Variants in SAMMSON observed in about 807,000 individuals in gnomAD.
The protein encoded by SAMMSON is survival associated mitochondrial melanoma specific oncogenic non-coding RNA, also known as long intergenic non-protein coding RNA 1212.
chr3:70,236,739 GTGCA>G (rs935925485), intron 4 of SAMMSON, among the ~76,000 whole-genome samples: 2 of 152,052 alleles, frequency 1.3e-5, no homozygotes, highest in Non-Finnish European at 2.9e-5. Context: ...GGGACCACTG[GTGCA>G]TGCCACCATG....
chr3:70,432,823 C>A (rs993665445), intron 2 of SAMMSON, among the ~76,000 whole-genome samples: 1 of 152,064 alleles, frequency 6.6e-6, no homozygotes, highest in Admixed American at 6.6e-5. Context: ...ATCCCTCCCT[C>A]TTTCACCCAG....
chr3:70,279,295 A>G (rs1333796795), intron 6 of SAMMSON, among the ~76,000 whole-genome samples: 1 of 152,096 alleles, frequency 6.6e-6, no homozygotes, highest in Non-Finnish European at 1.5e-5. Context: ...GAGAGATCAA[A>G]CAAATCATCC....
chr3:70,166,709 A>G (rs148386121), intron 4 of SAMMSON, among the ~76,000 whole-genome samples: 2 of 152,080 alleles, frequency 1.3e-5, no homozygotes, highest in African/African-American at 2.4e-5. Flanking sequence ...TGCTGAGTCC[A>G]TACCTTCCAA....
At chr3:70,236,592 T>C (rs1465504662) in intron 4 of SAMMSON, among the ~76,000 whole-genome samples, 1 of 152,100 alleles carries the variant, frequency 6.6e-6, no homozygotes, top group East Asian at 1.9e-4. Flanking sequence ...ACCCTTATTT[T>C]ACTAGAAAAC....
At chr3:70,301,002 T>C (rs1300243138) in intron 7 of SAMMSON, among the ~76,000 whole-genome samples, 1 of 152,234 alleles carries the variant, frequency 6.6e-6, no homozygotes, top group East Asian at 1.9e-4. Context: ...CTTGGAAAAG[T>C]GAACTCCTTA....
At chr3:70,141,779 T>A (rs965557073) in intron 4 of SAMMSON, among the ~76,000 whole-genome samples, 1 of 152,182 alleles carries the variant, frequency 6.6e-6, no homozygotes, top group African/African-American at 2.4e-5. Flanking sequence ...AACTCAGAGA[T>A]GTTAAGTGAC....
chr3:70,065,796 A>G (rs1364390200), intron 3 of SAMMSON, among the ~76,000 whole-genome samples: 1 of 152,122 alleles, frequency 6.6e-6, no homozygotes, highest in Non-Finnish European at 1.5e-5. Context: ...CCAAATGTTA[A>G]TAGCGCCAAG....
At chr3:70,116,281 G>A (rs190779055) in intron 4 of SAMMSON, among the ~76,000 whole-genome samples, 110 of 139,858 alleles carry the variant, frequency 7.9e-4, no homozygotes, top group Admixed American at 7.3e-3. Context: ...TTAGGAGAAG[G>A]GCGATGCTTT....
At chr3:70,112,024 G>A (rs549826184) in intron 4 of SAMMSON, among the ~76,000 whole-genome samples, 4 of 152,238 alleles carry the variant, frequency 2.6e-5, no homozygotes, top group Admixed American at 2.6e-4. Flanking sequence ...TGAGAGAAAA[G>A]CTACATTATA....
At chr3:70,368,088 T>C (rs1702935436) in intron 9 of SAMMSON, among the ~76,000 whole-genome samples, 1 of 151,448 alleles carries the variant, frequency 6.6e-6, no homozygotes, top group Non-Finnish European at 1.5e-5. Flanking sequence ...AAGTGTCTTT[T>C]GCAGAGCAGA....
chr3:70,034,244 G>T (rs747090300), intron 3 of SAMMSON, among the ~76,000 whole-genome samples: 13 of 152,014 alleles, frequency 8.6e-5, no homozygotes, highest in Non-Finnish European at 1.5e-4. Context: ...ACATTTCCTG[G>T]AATATACATT....
At chr3:70,137,197 C>G (rs539229911) in intron 4 of SAMMSON, among the ~76,000 whole-genome samples, 1 of 152,166 alleles carries the variant, frequency 6.6e-6, no homozygotes, top group South Asian at 2.1e-4. Flanking sequence ...GCCTTTTTTA[C>G]AAATGTAAAA....
intron 2 of SAMMSON, among the ~76,000 whole-genome samples, chr3:70,413,029 G>C (rs116449037): frequency 6.6e-6 from 1 of 151,908 alleles, no homozygotes; most frequent in Admixed American, 6.6e-5. Context: ...GCACAGAACC[G>C]GCAATTCTTA....
At chr3:70,227,179 G>T (rs1347306713) in intron 4 of SAMMSON, among the ~76,000 whole-genome samples, 1 of 152,174 alleles carries the variant, frequency 6.6e-6, no homozygotes, top group Non-Finnish European at 1.5e-5. Flanking sequence ...TTTTGTCTTA[G>T]AAATGCCATG....
At chr3:70,052,165 C>T (rs1259280663) in intron 3 of SAMMSON, among the ~76,000 whole-genome samples, 1 of 145,826 alleles carries the variant, frequency 6.9e-6, no homozygotes, top group Non-Finnish European at 1.5e-5. Flanking sequence ...ATTTTCTTAA[C>T]TCTGTAACTA....
At chr3:70,418,082 T>TCTGACCA (rs1701280122) in intron 2 of SAMMSON, among the ~76,000 whole-genome samples, 1 of 152,320 alleles carries the variant, frequency 6.6e-6, no homozygotes, top group Admixed American at 6.5e-5. Context: ...GGATCAATAA[T>TCTGACCA]CTGACCACTA....
At chr3:70,045,036 A>G (rs1457105522) in intron 3 of SAMMSON, among the ~76,000 whole-genome samples, 1 of 124,542 alleles carries the variant, frequency 8.0e-6, no homozygotes, top group Admixed American at 9.3e-5. Flanking sequence ...AATATATATT[A>G]TAATTAATAT....
chr3:70,059,482 G>A (rs954036039), intron 3 of SAMMSON, among the ~76,000 whole-genome samples: 2 of 152,140 alleles, frequency 1.3e-5, no homozygotes, highest in East Asian at 1.9e-4. Flanking sequence ...AGAGAACCAG[G>A]GGGAACTAAT....
intron 4 of SAMMSON, among the ~76,000 whole-genome samples, chr3:70,073,309 G>A (rs988666770): frequency 6.6e-6 from 1 of 151,970 alleles, no homozygotes; most frequent in Admixed American, 6.6e-5. Context: ...GTATAGAAGA[G>A]GACAACATGA....
Sources: gnomAD v4.1 joint callset for allele counts (sites outside exome capture counted in the v4.1 genomes callset) on GRCh38, gnomAD v4.1.1 for gene constraint, MANE v1.5 for transcripts, NCBI Gene and HGNC (gene_info 2026-07-23, HGNC 2026-07-21) for gene names.